The following PPME1 variants were observed in gnomAD, a reference collection of about 807,000 sequenced individuals.
PPME1 encodes testicular secretory protein Li 39.
Under a neutral mutation model 56.9 loss-of-function variants are expected in PPME1, and 17 were observed. That is an observed-to-expected ratio of 0.30 (90% CI 0.20 to 0.45). The LOEUF (loss-of-function observed/expected upper bound fraction) is 0.45, where lower values mean the gene tolerates loss of function less well. PPME1 is among the 20% of genes least tolerant of loss of function. PPME1 has a pLI of 1.00. For synonymous variants in PPME1, 122 were observed against 156.2 expected, an observed-to-expected ratio of 0.78 and a Z score of 1.63; for missense variants, 357 against 483.2, an observed-to-expected ratio of 0.74 and a Z score of 2.45.
At chr11:74,193,254 A>G (rs1164555715) in intron 1 of PPME1, among the ~76,000 whole-genome samples, 2 of 152,264 alleles carry the variant, frequency 1.3e-5, no homozygotes, top group African/African-American at 4.8e-5. Flanking sequence ...CCAAACAACC[A>G]TAGATTTTCC....
At position 74,225,082 on chromosome 11, in the gene PPME1, T is replaced by A. The variant is rs1858900043; in HGVS notation, c.347-123T>A. 4 of 613,510 alleles carry A rather than the reference T, an allele frequency of 6.5e-6. No homozygotes were observed. The Admixed American group carries it at 1.0e-4, about 16-fold the overall frequency. 38.0% of individuals were successfully genotyped at this position (613,510 alleles called of 1,614,324 possible). A position where few individuals can be genotyped will look rare whatever the true frequency, so the allele number is the denominator to read the frequency against. On this transcript the variant is annotated intron_variant, in intron 4 of 13. Transcript: ENST00000328257. ...TTTCTGAAGAAAATCCTTGCTAAAC[T>A]CATTGTGTAAAATTGTGAAGTCCCT...
chr11:74,186,386 T>C (rs1857683470), intron 1 of PPME1, among the ~76,000 whole-genome samples: 1 of 152,150 alleles, frequency 6.6e-6, no homozygotes, highest in Admixed American at 6.5e-5. Context: ...ATTGCCAGCT[T>C]TGATGATTTC....
chr11:74,221,613 G>A (rs752732685), intron 3 of PPME1, among the ~76,000 whole-genome samples: 8 of 152,116 alleles, frequency 5.3e-5, no homozygotes, highest in Admixed American at 1.3e-4. Flanking sequence ...AGACTAGACA[G>A]TTCTCTTATT....
Position 74,246,216 on chromosome 11 carries a change from A to C in PPME1, c.964+11A>C. The C allele has an allele frequency of 6.5e-7, 1 of 1,546,798 alleles. No homozygotes were observed. The highest frequency in any genetic ancestry group is 8.7e-7 in the Non-Finnish European group (1 of 1,144,156). The stretch of plus-strand genomic sequence containing the variant: ...TGCTGCTCTTGGCTGGTAAGTGTAT[A>C]TGTGCATATATTAGTCAGCTCAGGC... On this transcript the variant is annotated intron_variant, in intron 10 of 13. Coordinates refer to ENST00000328257, the MANE Select transcript of PPME1 (RefSeq NM_016147.3).
intron 9 of PPME1, among the ~76,000 whole-genome samples, chr11:74,243,736 ATTTCCCATCTGGCGATCTTTT>A (rs1278509922): frequency 6.6e-6 from 1 of 151,302 alleles, no homozygotes; most frequent in African/African-American, 2.4e-5. Flanking sequence ...AAGTTTCTTG[ATTTCCCATCTGGCGATCTTTT>A]TCTTTTTCTT....
Position 74,204,397 on chromosome 11 carries a change from C to G in PPME1, c.240C>G (p.Leu80=). The change falls in exon 3 of 14, where the codon CTC becomes CTG. Residue 80 remains leucine, a synonymous_variant. Coordinates refer to ENST00000328257, the MANE Select transcript of PPME1 (RefSeq NM_016147.3). ...GTGGTTCAGAGGGTCCAGTCCTGCT[C>G]CTTCTGCATGGAGGAGGTCATTCTG... ...YKSGSEGPVL[L]LLHGGGHSAL... 1 of 1,613,566 alleles carries G rather than the reference C, an allele frequency of 6.2e-7. No individual in the cohort carries two copies. The highest frequency in any genetic ancestry group is 8.5e-7 in the Non-Finnish European group (1 of 1,179,630).
At chr11:74,253,186 C>T (rs966682564) in intron 13 of PPME1, among the ~76,000 whole-genome samples, 2 of 152,126 alleles carry the variant, frequency 1.3e-5, no homozygotes, top group Non-Finnish European at 1.5e-5. Flanking sequence ...ACAGAAGCGA[C>T]ACCCCTATGC....
intron 3 of PPME1, among the ~76,000 whole-genome samples, chr11:74,218,767 TC>T (rs1858721426): frequency 6.6e-6 from 1 of 152,042 alleles, no homozygotes; most frequent in Non-Finnish European, 1.5e-5. Flanking sequence ...AATTAAAGAC[TC>T]AAACTATGAA....
rs1346296456 is a variant in PPME1, at chr11:74,253,628, G to A, written c.*118G>A. On this transcript the variant is annotated 3_prime_UTR_variant, in exon 14 of 14. Coordinates refer to ENST00000328257, the MANE Select transcript of PPME1 (RefSeq NM_016147.3). ...GCCCAGCCATGTGACACTGGCTCCC[G>A]GTAGACGGGCACCCCGAGATGTACC... The A allele has an allele frequency of 1.1e-5, 13 of 1,160,698 alleles. No individual in the cohort carries two copies. Among genetic ancestry groups the A allele is most frequent in the African/African-American group, 3.0e-5 (2 of 65,784 alleles). The allele number at this position is 1,160,698 out of a possible 1,614,324, so 71.9% of individuals were successfully genotyped here.
chr11:74,244,062 G>A (rs554711675), intron 9 of PPME1, among the ~76,000 whole-genome samples: 2 of 152,204 alleles, frequency 1.3e-5, no homozygotes, highest in Admixed American at 1.3e-4. Flanking sequence ...ATGTCACTTG[G>A]CATAATGTCC....
At chr11:74,173,787 C>T (rs1857343171) in intron 1 of PPME1, among the ~76,000 whole-genome samples, 1 of 152,124 alleles carries the variant, frequency 6.6e-6, no homozygotes, top group Admixed American at 6.5e-5. Context: ...AGTGATCTGC[C>T]CCACTTGGCT....
chr11:74,248,124 G>A (rs1389923641), intron 11 of PPME1: 1 of 152,484 alleles, frequency 6.6e-6, no homozygotes, highest in African/African-American at 2.4e-5. Flanking sequence ...TGGAGGCAGC[G>A]GGTCCAATTT....
rs78874052 is a variant in PPME1 at position 74,198,155 on chromosome 11, T to C, written c.102-5573T>C. On this transcript the variant is annotated intron_variant, in intron 1 of 13. Coordinates refer to ENST00000328257, the MANE Select transcript of PPME1 (RefSeq NM_016147.3). Reference sequence around the variant, plus strand: ...AGGACTTAATTATTAATTTCTCTGTTCAAAACTTTAAAATTGACTTTGATT... The same window carrying C: ...AGGACTTAATTATTAATTTCTCTGTCCAAAACTTTAAAATTGACTTTGATT... Among the ~76,000 whole-genome samples, 543 of 152,356 alleles carry C rather than the reference T, an allele frequency of 3.6e-3. 5 individuals carry two copies. The highest frequency in any genetic ancestry group is 0.012 in the African/African-American group (511 of 41,592).
intron 7 of PPME1, among the ~76,000 whole-genome samples, chr11:74,235,297 G>T (rs544925967): frequency 6.6e-6 from 1 of 152,084 alleles, no homozygotes; most frequent in Non-Finnish European, 1.5e-5. Context: ...CCTGTAGCAC[G>T]GCACACAAGG....
Position 74,230,149 on chromosome 11 carries a change from G to A in PPME1, c.399-96G>A. On this transcript the variant is annotated intron_variant, in intron 5 of 13. Coordinates refer to ENST00000328257, the MANE Select transcript of PPME1 (RefSeq NM_016147.3). The surrounding 1 kb of genome is among the most constrained non-coding windows in gnomAD (Gnocchi z 4.9). ...CCCAATAGACTTTTACAGTTTCCCAGCACTGTTACACACCAAAGAAAGGAA... is the reference window on the plus strand; with the variant it reads ...CCCAATAGACTTTTACAGTTTCCCAACACTGTTACACACCAAAGAAAGGAA... 3 of 1,343,944 alleles carry A rather than the reference G, an allele frequency of 2.2e-6. No individual in the cohort carries two copies. Among genetic ancestry groups the A allele is most frequent in the Non-Finnish European group, 2.0e-6 (2 of 981,044 alleles). The allele number at this position is 1,343,944 out of a possible 1,614,324, so 83.3% of individuals were successfully genotyped here.
chr11:74,232,674 C>CTTTT (rs1216584605), intron 7 of PPME1, among the ~76,000 whole-genome samples: 1 of 134,464 alleles, frequency 7.4e-6, no homozygotes, highest in Non-Finnish European at 1.6e-5. Context: ...TTTATCCAAA[C>CTTTT]TTTTTTTTTT....
chr11:74,217,370 C>G (rs984607595), intron 3 of PPME1, among the ~76,000 whole-genome samples: 1 of 151,694 alleles, frequency 6.6e-6, no homozygotes, highest in South Asian at 2.1e-4. Context: ...GGTGAAACCC[C>G]GTCTCTTCTA....
At chr11:74,247,539 G>A (rs1352540669) in intron 11 of PPME1, 1 of 150,420 alleles carries the variant, frequency 6.6e-6, no homozygotes, top group Admixed American at 6.7e-5. Flanking sequence ...CCAGGCTGGA[G>A]TGCGGTGGGA....
Position 74,186,256 on chromosome 11 carries a change from T to C in PPME1, c.101+14734T>C, listed in dbSNP as rs139047920. 6.6e-5 allele frequency among the ~76,000 whole-genome samples: 10 copies of C among 152,318 alleles called. No homozygotes were observed. The East Asian group carries it at 1.9e-3, about 29-fold the overall frequency. Reference sequence around the variant, plus strand: ...CCTGTGATCATGATCATAATAGTTCTAAACCTTGACTTTGTTCTTAGTCTA... The same window carrying C: ...CCTGTGATCATGATCATAATAGTTCCAAACCTTGACTTTGTTCTTAGTCTA... On this transcript the variant is annotated intron_variant, in intron 1 of 13. Transcript: ENST00000328257.
Sources: gnomAD v4.1 joint callset for allele counts (sites outside exome capture counted in the v4.1 genomes callset) on GRCh38, gnomAD v4.1.1 for gene constraint, Gnocchi (gnomAD v3.1) non-coding constraint, MANE v1.5 for transcripts, NCBI Gene and HGNC (gene_info 2026-07-23, HGNC 2026-07-21) for gene names.